TNFSF8: variants seen among roughly 807,000 people sequenced by gnomAD.
The protein encoded by TNFSF8 is TNF superfamily member 8.
A neutral mutation model predicts 22.0 loss-of-function variants in TNFSF8; 4 were observed. The ratio of observed to expected loss-of-function variants is 0.18; its 90% CI spans 0.09 to 0.42. The LOEUF is 0.42. Among genes scored for constraint, TNFSF8 ranks in the 10% least tolerant of loss-of-function variants. The probability of loss-of-function intolerance (pLI) is 1.00; values close to 1 mark genes in which losing one functional copy is unlikely to be tolerated. For missense variants in TNFSF8, 233 were observed against 281.8 expected, an observed-to-expected ratio of 0.83 and a Z score of 1.24; for synonymous variants, 106 against 112.5, an observed-to-expected ratio of 0.94 and a Z score of 0.37.
chr9:114,897,875 G>A (rs534839124), downstream of TNFSF8, among the ~76,000 whole-genome samples: 30 of 152,288 alleles, frequency 2.0e-4, no homozygotes, highest in African/African-American at 5.8e-4. Flanking sequence ...TGACTGGAGC[G>A]TGGAATGTGG....
chr9:114,926,679 G>T (rs1052230544), intron 1 of TNFSF8, among the ~76,000 whole-genome samples: 1 of 151,988 alleles, frequency 6.6e-6, no homozygotes, highest in Non-Finnish European at 1.5e-5. Context: ...AATAAAGCAA[G>T]ATGCAAAATT....
intron 2 of TNFSF8, among the ~76,000 whole-genome samples, chr9:114,911,774 T>C (rs890771911): frequency 1.3e-5 from 2 of 152,306 alleles, no homozygotes; most frequent in African/African-American, 4.8e-5. Flanking sequence ...TAAGGTCTTT[T>C]CAGTCCTGAC....
Position 114,902,054 on chromosome 9 carries a change from C to CT in TNFSF8, c.*1876dup, listed in dbSNP as rs1181510121. 2.0e-6 allele frequency: 2 copies of CT among 985,282 alleles called. No individual in the cohort carries two copies. Among genetic ancestry groups the CT allele is most frequent in the Non-Finnish European group, 2.4e-6 (2 of 829,934 alleles). 61.0% of individuals were successfully genotyped at this position (985,282 alleles called of 1,614,324 possible). On this transcript the variant is annotated 3_prime_UTR_variant, in exon 4 of 4. Transcript: ENST00000223795. Reference sequence around the variant, plus strand: ...TTTGGTATAGCAGGGAAGCTTCCATCTTTTTTTACTGAAGCATAACATCAG... The same window carrying CT: ...TTTGGTATAGCAGGGAAGCTTCCATCTTTTTTTTACTGAAGCATAACATCAG...
At position 114,930,101 on chromosome 9, in the gene TNFSF8, C is replaced by A. The variant is rs200566415; in HGVS notation, c.195+8G>T. 171 of 1,466,474 alleles carry A rather than the reference C, an allele frequency of 1.2e-4. 1 individual carries two copies. Among genetic ancestry groups the A allele is most frequent in the Non-Finnish European group, 1.5e-4 (162 of 1,100,338 alleles). The allele number at this position is 1,466,474 out of a possible 1,614,324, so 90.8% of individuals were successfully genotyped here. ...GAAAAGGAAAGGGAGGAAGAGGAGT[C>A]CACTTACCGTCCTCTGAACGACCAA... On this transcript the variant is annotated splice_region_variant and intron_variant, in intron 1 of 3. Transcript: ENST00000223795.
At chr9:114,922,127 G>A (rs1587939346) in intron 1 of TNFSF8, among the ~76,000 whole-genome samples, 2 of 152,202 alleles carry the variant, frequency 1.3e-5, no homozygotes, top group Non-Finnish European at 2.9e-5. Context: ...TATTTGAAAA[G>A]CATAGCTATT....
chr9:114,919,592 C>G (rs1434643387), intron 1 of TNFSF8, among the ~76,000 whole-genome samples: 1 of 152,094 alleles, frequency 6.6e-6, no homozygotes, highest in African/African-American at 2.4e-5. Flanking sequence ...TTTGACCTGC[C>G]CAGGTTGGAA....
chr9:114,900,189 T>C (rs1244902931), downstream of TNFSF8, among the ~76,000 whole-genome samples: 1 of 152,068 alleles, frequency 6.6e-6, no homozygotes, highest in African/African-American at 2.4e-5. Context: ...GGACAAGAAC[T>C]AAAAGGAGGA....
chr9:114,898,446 G>A (rs1056384866), downstream of TNFSF8, among the ~76,000 whole-genome samples: 1 of 152,214 alleles, frequency 6.6e-6, no homozygotes, highest in Admixed American at 6.5e-5. Flanking sequence ...CTGGAGATGG[G>A]ATTTATAAGG....
downstream of TNFSF8, among the ~76,000 whole-genome samples, chr9:114,896,924 T>G (rs1827661411): frequency 6.6e-6 from 1 of 152,174 alleles, no homozygotes; most frequent in Non-Finnish European, 1.5e-5. Context: ...TTTTTGAGAT[T>G]GAGTTTCACT....
rs776716866 is a variant in TNFSF8, at chr9:114,930,131, A to G, written c.173T>C (p.Met58Thr). Residue 58 changes from methionine to threonine, a missense_variant, in exon 1 of 4, where the codon ATG becomes ACG. Transcript: ENST00000223795. The stretch of plus-strand genomic sequence containing the variant: ...TACCGTCCTCTGAACGACCAACACC[A>G]TAATAGTGGCCACCGTGAAGACAAG... ...LCLVFTVATI[M>T]VLVVQRTDSI... The G allele has an allele frequency of 4.1e-5, 65 of 1,570,462 alleles. No homozygotes were observed. Among genetic ancestry groups the G allele is most frequent in the Non-Finnish European group, 5.2e-5 (60 of 1,158,802 alleles).
chr9:114,908,478 G>A (rs1426211339), intron 2 of TNFSF8, among the ~76,000 whole-genome samples: 1 of 152,162 alleles, frequency 6.6e-6, no homozygotes, highest in African/African-American at 2.4e-5. Context: ...CTCATTGGCC[G>A]AAAGCCCTCT....
intron 4 of TNFSF8, among the ~76,000 whole-genome samples, chr9:114,894,406 A>G (rs982151907): frequency 1.3e-5 from 2 of 152,164 alleles, no homozygotes; most frequent in African/African-American, 4.8e-5. Flanking sequence ...AATGAGGTCA[A>G]ATTAACAAGA....
chr9:114,928,622 A>G (rs1828093072), intron 1 of TNFSF8, among the ~76,000 whole-genome samples: 1 of 152,218 alleles, frequency 6.6e-6, no homozygotes, highest in African/African-American at 2.4e-5. Context: ...CTATAAAATG[A>G]CATACCCTTG....
At chr9:114,895,730 A>G (rs1827649264) in intron 4 of TNFSF8, among the ~76,000 whole-genome samples, 1 of 152,232 alleles carries the variant, frequency 6.6e-6, no homozygotes, top group African/African-American at 2.4e-5. Flanking sequence ...TGCCAAGGTC[A>G]TAGAGTTAGT....
chr9:114,923,612 G>A (rs776732996), intron 1 of TNFSF8, among the ~76,000 whole-genome samples: 23 of 149,996 alleles, frequency 1.5e-4, no homozygotes, highest in Non-Finnish European at 2.7e-4. Flanking sequence ...TGGCCTCCTG[G>A]GTTCAAGAGA....
chr9:114,911,702 C>T (rs1827853585), intron 2 of TNFSF8, among the ~76,000 whole-genome samples: 1 of 152,142 alleles, frequency 6.6e-6, no homozygotes, highest in African/African-American at 2.4e-5. Flanking sequence ...GTTGGAATTC[C>T]TTTAAATAAT....
At chr9:114,919,416 G>A (rs1013915957) in intron 1 of TNFSF8, among the ~76,000 whole-genome samples, 18 of 152,132 alleles carry the variant, frequency 1.2e-4, no homozygotes, top group African/African-American at 4.3e-4. Flanking sequence ...CTAGTTCAAG[G>A]ACTCTCAACA....
rs537706844 is a variant in TNFSF8, at chr9:114,905,689, T to A, written c.310+139A>T. On this transcript the variant is annotated intron_variant, in intron 3 of 3. Coordinates refer to ENST00000223795, the MANE Select transcript of TNFSF8 (RefSeq NM_001244.4). ...CATTCAAATTCAAATTACAAAAAAA[T>A]TTCCTGCAGACTAAACAGTACACAT... 119 of 723,928 alleles carry A rather than the reference T, an allele frequency of 1.6e-4. 2 individuals are homozygous for A. In the South Asian group the frequency reaches 1.8e-3, roughly 11 times the overall value. 44.8% of individuals were successfully genotyped at this position (723,928 alleles called of 1,614,324 possible).
At position 114,930,337 on chromosome 9, in the gene TNFSF8, C is replaced by T; in HGVS notation, c.-34G>A. On this transcript the variant is annotated 5_prime_UTR_variant, in exon 1 of 4. Coordinates refer to ENST00000223795, the MANE Select transcript of TNFSF8 (RefSeq NM_001244.4). ...TAGTCTTCCCCACATCACACCTTAT[C>T]TCTCTTCATCTGATTCAGTTCTGGG... 7.1e-7 allele frequency: 1 copy of T among 1,412,318 alleles called. No homozygotes were observed. Among genetic ancestry groups the T allele is most frequent in the Non-Finnish European group, 9.4e-7 (1 of 1,066,684 alleles). 87.5% of individuals were successfully genotyped at this position (1,412,318 alleles called of 1,614,324 possible). A position where few individuals can be genotyped will look rare whatever the true frequency, so the allele number is the denominator to read the frequency against.
Sources: gnomAD v4.1 joint callset for allele counts (sites outside exome capture counted in the v4.1 genomes callset) on GRCh38, gnomAD v4.1.1 for gene constraint, MANE v1.5 for transcripts, NCBI Gene and HGNC (gene_info 2026-07-23, HGNC 2026-07-21) for gene names.